The following ERLEC1 variants were observed in gnomAD, a reference collection of about 807,000 sequenced individuals.
ERLEC1 encodes the protein endoplasmic reticulum lectin 1.
Under a neutral mutation model 68.0 loss-of-function variants are expected in ERLEC1, and 47 were observed. The ratio of observed to expected loss-of-function variants is 0.69; its 90% CI spans 0.55 to 0.88. The LOEUF (loss-of-function observed/expected upper bound fraction) is 0.88. Ranked by LOEUF, ERLEC1 falls within the 40% of genes least tolerant of loss-of-function variation. The pLI is 0.00. For missense variants in ERLEC1, 567 were observed against 583.8 expected (o/e 0.97, Z 0.30); for synonymous variants, 225 against 203.2 (o/e 1.11, Z -0.91).
intron 1 of ERLEC1, among the ~76,000 whole-genome samples, chr2:53,789,176 A>G (rs1234650741): frequency 6.6e-6 from 1 of 152,002 alleles, no homozygotes; most frequent in Non-Finnish European, 1.5e-5. Flanking sequence ...CAGGCGGATT[A>G]TGAGGTCAGG....
chr2:53,797,616 T>C lies in ERLEC1; in HGVS notation c.426+24T>C, dbSNP rs746994429. On this transcript the variant is annotated intron_variant, in intron 4 of 13. Transcript: ENST00000185150. ...AGGTGTGTTTTTCTTCAAAATATTA[T>C]TATGAAACATTATAAGATGAGAACT... 1.8e-5 allele frequency: 28 copies of C among 1,593,518 alleles called. No individual in the cohort carries two copies. The South Asian group carries it at 3.1e-4, about 17-fold the overall frequency.
intron 1 of ERLEC1, among the ~76,000 whole-genome samples, chr2:53,790,855 GTT>G (rs1453428522): frequency 6.6e-6 from 1 of 152,138 alleles, no homozygotes; most frequent in Non-Finnish European, 1.5e-5. Flanking sequence ...TTAGCACTCA[GTT>G]TTGTTTTTGT....
Position 53,797,773 on chromosome 2 carries a change from C to G in ERLEC1, c.468C>G (p.Ala156=). 1 of 1,612,600 alleles carries G rather than the reference C, an allele frequency of 6.2e-7. No individual in the cohort carries two copies. The change falls in exon 5 of 14, where the codon GCC becomes GCG. Residue 156 remains alanine (A), a synonymous_variant. Transcript: ENST00000185150. ...AGTACTACCTTGGGAATATGTTGGC[C>G]AAGAACCTTCTATTTGAAAAAGGTT... ...IHEYYLGNML[A]KNLLFEKERE...
chr2:53,817,675 C>T (rs551661763), intron 13 of ERLEC1, among the ~76,000 whole-genome samples: 4 of 152,100 alleles, frequency 2.6e-5, no homozygotes, highest in African/African-American at 7.2e-5. Context: ...CCTTTTCCCT[C>T]CCCCGCTTGT....
At chr2:53,810,076 C>G (rs1676508778) in intron 10 of ERLEC1, among the ~76,000 whole-genome samples, 1 of 151,918 alleles carries the variant, frequency 6.6e-6, no homozygotes, top group Non-Finnish European at 1.5e-5. Flanking sequence ...CTCAAAAAAC[C>G]AAACAAACAA....
intron 5 of ERLEC1, among the ~76,000 whole-genome samples, chr2:53,798,490 G>A (rs1675836564): frequency 6.6e-6 from 1 of 151,722 alleles, no homozygotes; most frequent in South Asian, 2.1e-4. Context: ...CAAACTCCTG[G>A]CTCAGGCGAT....
intron 8 of ERLEC1, 135 bp downstream of exon 8, chr2:53,801,977 C>A: frequency 3.0e-6 from 2 of 674,038 alleles, no homozygotes; most frequent in Non-Finnish European, 5.0e-6. Context: ...AATTTCATTT[C>A]TTTTCATTGA....
chr2:53,806,496 T>A (rs1180272176), intron 8 of ERLEC1, among the ~76,000 whole-genome samples: 2 of 152,232 alleles, frequency 1.3e-5, no homozygotes, highest in African/African-American at 4.8e-5. Context: ...GCCTCATTTT[T>A]AATACGCAGC....
At chr2:53,796,100 G>A in intron 3 of ERLEC1, 87 bp downstream of exon 3, 2 of 908,238 alleles carry the variant, frequency 2.2e-6, no homozygotes. Flanking sequence ...TCTTTATTAT[G>A]TTGTGTCAGG....
chr2:53,809,245 A>G lies in ERLEC1; in HGVS notation c.1073A>G (p.Tyr358Cys), dbSNP rs201722051. The change falls in exon 10 of 14, where the codon TAT becomes TGT. Residue 358 changes from tyrosine to cysteine, a missense_variant. Transcript: ENST00000185150. Reference sequence around the variant, plus strand: ...GGTTGGTGGAAATATGAATTCTGCTATGGCAAACATGTACATCAATACCAT... The same window carrying G: ...GGTTGGTGGAAATATGAATTCTGCTGTGGCAAACATGTACATCAATACCAT... ...GVGWWKYEFC[Y>C]GKHVHQYHED... The G allele has an allele frequency of 1.9e-6, 3 of 1,579,058 alleles. No individual in the cohort carries two copies. The highest frequency in any genetic ancestry group is 2.6e-6 in the Non-Finnish European group (3 of 1,170,150).
chr2:53,792,012 C>T (rs1307447173), intron 1 of ERLEC1, among the ~76,000 whole-genome samples: 5 of 151,818 alleles, frequency 3.3e-5, no homozygotes, highest in South Asian at 2.1e-4. Flanking sequence ...CCCGGGTTCA[C>T]GCCATTCACC....
In ERLEC1 at chr2:53,787,236, G is replaced by C. The variant is rs754798561; in HGVS notation, c.26G>C (p.Arg9Pro). Reference protein sequence around the residue: MEEGGGGVRSLVPGGPVLL... With the variant: MEEGGGGVPSLVPGGPVLL... Reference sequence around the variant, plus strand: ...ATGGAGGAAGGAGGCGGCGGCGTACGGAGTCTGGTCCCGGGCGGGCCGGTG... The same window carrying C: ...ATGGAGGAAGGAGGCGGCGGCGTACCGAGTCTGGTCCCGGGCGGGCCGGTG... Residue 9 changes from arginine to proline, a missense_variant, in exon 1 of 14, where the codon CGG becomes CCG. Arg to Pro is a moderately radical substitution (Grantham distance 103, BLOSUM62 -2). Coordinates refer to ENST00000185150, the MANE Select transcript of ERLEC1 (RefSeq NM_015701.5). 1.2e-6 allele frequency: 2 copies of C among 1,605,584 alleles called. No individual in the cohort carries two copies. The highest frequency in any genetic ancestry group is 1.3e-5 in the African/African-American group (1 of 74,912).
intron 13 of ERLEC1, 60 bp downstream of exon 13, chr2:53,814,995 C>CTTTTTTTTTTTTTTTTTTTT (rs777632156): frequency 1.1e-3 from 522 of 470,028 alleles, no homozygotes; most frequent in South Asian, 2.1e-3. Context: ...ATTTTTTTTT[C>CTTTTTTTTTTTTTTTTTTTT]TTTTTTTTTT....
intron 8 of ERLEC1, among the ~76,000 whole-genome samples, chr2:53,807,822 G>C (rs1676373275): frequency 6.6e-6 from 1 of 151,754 alleles, no homozygotes; most frequent in African/African-American, 2.4e-5. Flanking sequence ...TGGCCAACAT[G>C]GTGAAAGCCC....
At chr2:53,801,255 G>A (rs1267536855) in intron 6 of ERLEC1, 142 bp from the exon 7 acceptor site, 2 of 577,332 alleles carry the variant, frequency 3.5e-6, no homozygotes, top group Non-Finnish European at 6.0e-6. Flanking sequence ...ATTAGAGGGA[G>A]AACTTAAAAT....
At chr2:53,790,674 A>G (rs1015313498) in intron 1 of ERLEC1, among the ~76,000 whole-genome samples, 1 of 151,798 alleles carries the variant, frequency 6.6e-6, no homozygotes, top group African/African-American at 2.4e-5. Flanking sequence ...TAGTTTCCCT[A>G]TGTTGCTCAT....
At chr2:53,807,844 AAAC>A (rs113620205) in intron 8 of ERLEC1, among the ~76,000 whole-genome samples, 1,735 of 150,612 alleles carry the variant, frequency 0.012, 33 homozygotes, top group African/African-American at 0.04. Flanking sequence ...TCTGTACTGA[AAAC>A]AACAACAACA....
intron 13 of ERLEC1, among the ~76,000 whole-genome samples, chr2:53,817,352 C>G (rs1676955007): frequency 6.6e-6 from 1 of 152,056 alleles, no homozygotes; most frequent in Non-Finnish European, 1.5e-5. Context: ...CCAGAATGGT[C>G]TCGATCTTCT....
intron 5 of ERLEC1, among the ~76,000 whole-genome samples, chr2:53,798,533 C>T (rs960986443): frequency 1.3e-5 from 2 of 151,624 alleles, no homozygotes. Flanking sequence ...GTCCTGGGAT[C>T]GTATGCATGA....
Sources: gnomAD v4.1 joint callset for allele counts (sites outside exome capture counted in the v4.1 genomes callset) on GRCh38, gnomAD v4.1.1 for gene constraint, MANE v1.5 for transcripts, NCBI Gene and HGNC (gene_info 2026-07-23, HGNC 2026-07-21) for gene names.